ALK: variants seen among roughly 807,000 people sequenced by gnomAD.
ALK encodes ALK tyrosine kinase receptor.
ALK carries 74 observed loss-of-function variants against 163.1 expected under a neutral mutation model. That is an observed-to-expected ratio of 0.45 (90% CI 0.38 to 0.55). The LOEUF is 0.55. ALK is among the 20% of genes least tolerant of loss of function. The pLI, the probability that ALK is intolerant of heterozygous loss-of-function variation, is 0.00. For missense variants in ALK, 2,063 were observed against 2,105.3 expected, an observed-to-expected ratio of 0.98 and a Z score of 0.39; for synonymous variants, 960 against 843.2, an observed-to-expected ratio of 1.14 and a Z score of -2.40.
chr2:29,847,297 G>A (rs1333573288), intron 1 of ALK, among the ~76,000 whole-genome samples: 4 of 152,152 alleles, frequency 2.6e-5, no homozygotes, highest in East Asian at 1.9e-4. Flanking sequence ...TGGTAGGGAC[G>A]TGTTGACCCA....
intron 1 of ALK, among the ~76,000 whole-genome samples, chr2:29,848,196 A>G (rs1665896146): frequency 6.6e-6 from 1 of 152,154 alleles, no homozygotes; most frequent in Non-Finnish European, 1.5e-5. Flanking sequence ...CCACCTAAGC[A>G]GTACAGTGGG....
intron 5 of ALK, among the ~76,000 whole-genome samples, chr2:29,368,903 C>T (rs7573553): frequency 0.012 from 1,826 of 152,228 alleles, 26 homozygotes; most frequent in African/African-American, 0.041. Context: ...TAAGCTGGAA[C>T]GTTCAATATG....
At chr2:29,871,029 G>T (rs998327002) in intron 1 of ALK, among the ~76,000 whole-genome samples, 1 of 152,196 alleles carries the variant, frequency 6.6e-6, no homozygotes, top group African/African-American at 2.4e-5. Flanking sequence ...CTCAGTTTGT[G>T]CATGAGTGTG....
chr2:29,498,287 T>C (rs1030591902), intron 4 of ALK, among the ~76,000 whole-genome samples: 4 of 152,172 alleles, frequency 2.6e-5, no homozygotes, highest in Non-Finnish European at 4.4e-5. Context: ...ATATCCTTCA[T>C]TATTTGTCAG....
rs558752243 is a variant in ALK at position 29,726,901 on chromosome 2, T to C, written c.668-9204A>G. Among the ~76,000 whole-genome samples the C allele has an allele frequency of 9.2e-5, 14 of 152,332 alleles. No individual in the cohort carries two copies. In the South Asian group the frequency reaches 1.0e-3, roughly 11 times the overall value. On this transcript the variant is annotated intron_variant, in intron 1 of 28. Transcript: ENST00000389048. The stretch of plus-strand genomic sequence containing the variant: ...ATTGCCAGTGAGTACTAGGATAGGA[T>C]GTATGACTGCAGACCTCTGATGTGT...
chr2:29,385,130 T>G (rs1008705840), intron 4 of ALK, among the ~76,000 whole-genome samples: 2 of 152,054 alleles, frequency 1.3e-5, no homozygotes, highest in South Asian at 4.2e-4. Context: ...TTTTTTTTTT[T>G]TTTACCAGTA....
chr2:29,611,841 T>C (rs1193958969), intron 3 of ALK, among the ~76,000 whole-genome samples: 2 of 152,242 alleles, frequency 1.3e-5, no homozygotes, highest in African/African-American at 4.8e-5. Flanking sequence ...TCCTGAGGTC[T>C]GGCAGTCATG....
At chr2:29,209,529 C>T (rs867273463) in intron 25 of ALK, among the ~76,000 whole-genome samples, 7 of 124,672 alleles carry the variant, frequency 5.6e-5, no homozygotes, top group Admixed American at 2.0e-4. Context: ...GCAACAAGAG[C>T]GAAACTCCGT....
intron 1 of ALK, among the ~76,000 whole-genome samples, chr2:29,884,048 A>G (rs72794332): frequency 1.3e-5 from 2 of 152,242 alleles, no homozygotes; most frequent in Non-Finnish European, 2.9e-5. Flanking sequence ...GAACAAATGT[A>G]AAGATGCAGC....
rs114860782 is a variant in ALK at position 29,705,794 on chromosome 2, G to A, written c.788-10780C>T. On this transcript the variant is annotated intron_variant, in intron 2 of 28. Coordinates refer to ENST00000389048, the MANE Select transcript of ALK (RefSeq NM_004304.5). ...GTGTATGTTGAGTGCCCTGCATGGT[G>A]ACTTGCACACAATTTGGCCTTATTT... is the stretch of plus-strand genomic sequence containing the variant. Among the ~76,000 whole-genome samples the A allele has an allele frequency of 1.9e-3, 282 of 152,320 alleles. 1 individual carries two copies. Among genetic ancestry groups the A allele is most frequent in the African/African-American group, 6.5e-3 (270 of 41,572 alleles).
intron 19 of ALK, chr2:29,224,024 C>A (rs1663833527): frequency 7.7e-6 from 2 of 260,812 alleles, no homozygotes. Context: ...CTAAGGGGTT[C>A]TGGAGCCAAA....
In ALK at chr2:29,447,804, G is replaced by A. The variant is rs551906071; in HGVS notation, c.1155-63945C>T. Among the ~76,000 whole-genome samples the A allele has an allele frequency of 1.4e-4, 22 of 152,220 alleles. No individual in the cohort carries two copies. In the South Asian group the frequency reaches 4.6e-3, roughly 32 times the overall value. On this transcript the variant is annotated intron_variant, in intron 4 of 28. Coordinates refer to ENST00000389048, the MANE Select transcript of ALK (RefSeq NM_004304.5). Reference sequence around the variant, plus strand: ...ACACATCTTGTCTTTGGGATGGGGTGGGGTCCTTACTACTCTCAACTTTTC... The same window carrying A: ...ACACATCTTGTCTTTGGGATGGGGTAGGGTCCTTACTACTCTCAACTTTTC...
chr2:29,920,020 G>T lies in ALK; in HGVS notation c.640C>A (p.Arg214Ser). ...GTCCCGAAGATCTGGAAGAGAAGGCGGGGCTGGGAGGCGCGAATTGCCGCG... is the reference window on the plus strand; with the variant it reads ...GTCCCGAAGATCTGGAAGAGAAGGCTGGGCTGGGAGGCGCGAATTGCCGCG... ...LSAAIRASQPRLLFQIFGTGH... is the reference protein window; with the variant it reads ...LSAAIRASQPSLLFQIFGTGH... The change falls in exon 1 of 29, where the codon CGC becomes AGC. Residue 214 changes from arginine to serine, a missense_variant. Physicochemically the swap from Arg to Ser is moderately radical, Grantham distance 110. This residue lies in a region of ALK where 987 missense variants were observed against 939.5 expected (regional missense o/e 1.05). Coordinates refer to ENST00000389048, the MANE Select transcript of ALK (RefSeq NM_004304.5). 1 of 1,614,092 alleles carries T rather than the reference G, an allele frequency of 6.2e-7. No homozygotes were observed. The highest frequency in any genetic ancestry group is 8.5e-7 in the Non-Finnish European group (1 of 1,179,986).
rs1186492163 is a variant in ALK, at chr2:29,449,222, AT to A, written c.1155-65364del. Among the ~76,000 whole-genome samples, 13 of 152,340 alleles carry A rather than the reference AT, an allele frequency of 8.5e-5. No homozygotes were observed. In the East Asian group the frequency reaches 2.5e-3, roughly 29 times the overall value. On this transcript the variant is annotated intron_variant, in intron 4 of 28. Transcript: ENST00000389048. Reference sequence around the variant, plus strand: ...GGATATAAGATGGATAAGATATGGAATGTGCTCTCACAATATAGTATGGTAC... The same window carrying A: ...GGATATAAGATGGATAAGATATGGAAGTGCTCTCACAATATAGTATGGTAC...
At chr2:29,689,305 A>C (rs1678326444) in intron 3 of ALK, among the ~76,000 whole-genome samples, 1 of 152,206 alleles carries the variant, frequency 6.6e-6, no homozygotes, top group African/African-American at 2.4e-5. Flanking sequence ...CAGCTCAGCC[A>C]CTTATTTGCA....
At chr2:29,282,234 C>T (rs1011094675) in intron 9 of ALK, among the ~76,000 whole-genome samples, 12 of 152,150 alleles carry the variant, frequency 7.9e-5, no homozygotes, top group African/African-American at 2.4e-4. Context: ...TCCAATTTCT[C>T]GCTGCACAGT....
chr2:29,499,774 G>C (rs1338620140), intron 4 of ALK, among the ~76,000 whole-genome samples: 1 of 151,804 alleles, frequency 6.6e-6, no homozygotes, highest in Non-Finnish European at 1.5e-5. Flanking sequence ...ATGTCTTCCT[G>C]ACTGATTGAG....
chr2:29,361,515 T>C (rs1426098640), intron 5 of ALK, among the ~76,000 whole-genome samples: 2 of 152,224 alleles, frequency 1.3e-5, no homozygotes, highest in African/African-American at 2.4e-5. Flanking sequence ...CAATGCGTTA[T>C]AGTGGGAAAA....
At chr2:29,759,091 A>G (rs72851978) in intron 1 of ALK, among the ~76,000 whole-genome samples, 1 of 152,288 alleles carries the variant, frequency 6.6e-6, no homozygotes, top group African/African-American at 2.4e-5. Flanking sequence ...CTGTGTGTGT[A>G]AGCTGTCTCC....
Sources: allele counts gnomAD v4.1 joint callset (sites outside exome capture counted in the v4.1 genomes callset), GRCh38; gene constraint gnomAD v4.1.1; regional missense constraint gnomAD v4.1.1; transcripts MANE v1.5; gene names NCBI Gene and HGNC (gene_info 2026-07-23, HGNC 2026-07-21).